The following EVA1C variants were observed in gnomAD, a reference collection of about 807,000 sequenced individuals.
EVA1C encodes protein eva-1 homolog C.
A neutral mutation model predicts 45.4 loss-of-function variants in EVA1C; 25 were observed. The observed-to-expected ratio is 0.55, with a 90% CI of 0.40 to 0.77. The LOEUF (loss-of-function observed/expected upper bound fraction) is 0.77. EVA1C is among the 30% of genes least tolerant of loss of function. The probability of loss-of-function intolerance (pLI) is 0.00; values close to 1 mark genes in which losing one functional copy is unlikely to be tolerated. For missense variants in EVA1C, 479 were observed against 554.8 expected (o/e 0.86, Z 1.37); for synonymous variants, 190 against 221.2 (o/e 0.86, Z 1.25).
chr21:32,513,621 T>G (rs2038038905), intron 7 of EVA1C, among the ~76,000 whole-genome samples: 1 of 147,616 alleles, frequency 6.8e-6, no homozygotes, highest in Non-Finnish European at 1.5e-5. Context: ...GATATGATCT[T>G]GACCTCCCAG....
At chr21:32,420,499 C>T (rs1439212796) in intron 1 of EVA1C, among the ~76,000 whole-genome samples, 1 of 152,248 alleles carries the variant, frequency 6.6e-6, no homozygotes, top group Non-Finnish European at 1.5e-5. Flanking sequence ...ATCCTCCCAC[C>T]TCAGCACTCC....
At chr21:32,436,765 C>T (rs1236073078) in intron 1 of EVA1C, among the ~76,000 whole-genome samples, 2 of 152,264 alleles carry the variant, frequency 1.3e-5, no homozygotes, top group African/African-American at 2.4e-5. Context: ...GCTCAGGGCA[C>T]GGCAGACACG....
chr21:32,508,353 C>T (rs374822377), intron 7 of EVA1C, among the ~76,000 whole-genome samples: 4 of 152,236 alleles, frequency 2.6e-5, no homozygotes, highest in Admixed American at 1.3e-4. Context: ...GCTTCTGGGG[C>T]GCAGGGGTAA....
chr21:32,506,710 G>A (rs2037732721), intron 7 of EVA1C, among the ~76,000 whole-genome samples: 1 of 152,144 alleles, frequency 6.6e-6, no homozygotes, highest in Non-Finnish European at 1.5e-5. Context: ...AGGCCAGTGT[G>A]CCACAGAGGT....
At chr21:32,464,264 C>T (rs1341537836) in intron 3 of EVA1C, among the ~76,000 whole-genome samples, 1 of 152,144 alleles carries the variant, frequency 6.6e-6, no homozygotes, top group Non-Finnish European at 1.5e-5. Context: ...TTTTCTTCCT[C>T]GTGGAGGTTC....
chr21:32,416,511 T>C (rs554155636), intron 1 of EVA1C, among the ~76,000 whole-genome samples: 2 of 152,042 alleles, frequency 1.3e-5, no homozygotes, highest in Admixed American at 1.3e-4. Flanking sequence ...GTATTTTTAG[T>C]AGAGACATGT....
At chr21:32,443,449 A>C (rs1334469710) in intron 1 of EVA1C, among the ~76,000 whole-genome samples, 1 of 152,114 alleles carries the variant, frequency 6.6e-6, no homozygotes, top group Non-Finnish European at 1.5e-5. Context: ...AGGCAGAAGA[A>C]TCTCCTGAAC....
At chr21:32,475,652 A>G (rs2036528683) in intron 4 of EVA1C, among the ~76,000 whole-genome samples, 1 of 152,178 alleles carries the variant, frequency 6.6e-6, no homozygotes, top group Non-Finnish European at 1.5e-5. Flanking sequence ...ATCTTGTTAA[A>G]AAGACACATC....
intron 1 of EVA1C, among the ~76,000 whole-genome samples, chr21:32,434,144 A>G (rs1197780277): frequency 1.3e-5 from 2 of 151,852 alleles, no homozygotes; most frequent in Admixed American, 1.3e-4. Context: ...AAATACAAAA[A>G]AATTAGCTGG....
At chr21:32,418,958 T>C (rs534217275) in intron 1 of EVA1C, among the ~76,000 whole-genome samples, 1 of 122 alleles carries the variant, frequency 8.2e-3, no homozygotes, top group East Asian at 0.17. Context: ...TTCTTGCCTA[T>C]TGGTTTTCCA....
At chr21:32,486,502 CCT>C (rs991744510) in intron 4 of EVA1C, among the ~76,000 whole-genome samples, 1 of 152,062 alleles carries the variant, frequency 6.6e-6, no homozygotes, top group African/African-American at 2.4e-5. Flanking sequence ...CCTCTATGCC[CCT>C]GTGAGGTATT....
chr21:32,418,225 T>G (rs1437269353), intron 1 of EVA1C, among the ~76,000 whole-genome samples: 1 of 152,152 alleles, frequency 6.6e-6, no homozygotes, highest in Non-Finnish European at 1.5e-5. Flanking sequence ...TTAAAAAAAT[T>G]TATGGAGTGA....
Position 32,412,991 on chromosome 21 carries a change from C to T in EVA1C, c.138C>T (p.Ile46=), listed in dbSNP as rs1399559891. The T allele has an allele frequency of 7.6e-6, 11 of 1,451,820 alleles. No homozygotes were observed. The East Asian group carries it at 3.0e-4, about 40-fold the overall frequency. 89.9% of individuals were successfully genotyped at this position (1,451,820 alleles called of 1,614,324 possible). A position where few individuals can be genotyped will look rare whatever the true frequency, so the allele number is the denominator to read the frequency against. ...CTGTCCTGGTCTGCTCCAAAGAGAT[C>T]TCAGCGCTCACCGACTTCTCTGGTA... The part of the protein sequence containing the change: ...YCTVLVCSKE[I]SALTDFSGYL... The change falls in exon 1 of 8, where the codon ATC becomes ATT. Residue 46 remains isoleucine (I), a synonymous_variant. Coordinates refer to ENST00000300255, the MANE Select transcript of EVA1C (RefSeq NM_058187.5).
At chr21:32,482,856 T>TC (rs1220037492) in intron 4 of EVA1C, among the ~76,000 whole-genome samples, 1 of 5,492 alleles carries the variant, frequency 1.8e-4, no homozygotes, top group African/African-American at 7.0e-4. Context: ...GTTATTCCCT[T>TC]TTTTTTTTTT....
At chr21:32,420,811 G>T (rs917376818) in intron 1 of EVA1C, among the ~76,000 whole-genome samples, 2 of 152,238 alleles carry the variant, frequency 1.3e-5, no homozygotes, top group Non-Finnish European at 1.5e-5. Context: ...AGTATAAAAA[G>T]TTCAAGAAAC....
At chr21:32,471,591 G>T (rs1432087810) in intron 4 of EVA1C, among the ~76,000 whole-genome samples, 1 of 150,198 alleles carries the variant, frequency 6.7e-6, no homozygotes, top group African/African-American at 2.4e-5. Context: ...CTCCCAAAAT[G>T]CTGGGATTAC....
At chr21:32,469,034 C>G (rs956424167) in intron 4 of EVA1C, among the ~76,000 whole-genome samples, 1 of 152,196 alleles carries the variant, frequency 6.6e-6, no homozygotes, top group African/African-American at 2.4e-5. Context: ...GCTCTTTCTC[C>G]TCCACATTCC....
intron 4 of EVA1C, among the ~76,000 whole-genome samples, chr21:32,485,588 A>C (rs1268640614): frequency 6.6e-6 from 1 of 152,144 alleles, no homozygotes; most frequent in Non-Finnish European, 1.5e-5. Context: ...CTCCTCAAGC[A>C]GACTCAGAAT....
chr21:32,472,453 C>T lies in EVA1C; in HGVS notation c.634+4605C>T, dbSNP rs184209885. On this transcript the variant is annotated intron_variant, in intron 4 of 7. Transcript: ENST00000300255. ...GGGATTACAGGTGTGAGCCACTGCG[C>T]CCGGCTGAGAGTTGGATTTAAAAAG... Among the ~76,000 whole-genome samples, 244 of 152,248 alleles carry T rather than the reference C, an allele frequency of 1.6e-3. 1 individual carries two copies. Among genetic ancestry groups the T allele is most frequent in the Admixed American group, 2.4e-3 (36 of 15,288 alleles).
Sources: gnomAD v4.1 joint callset for allele counts (sites outside exome capture counted in the v4.1 genomes callset) on GRCh38, gnomAD v4.1.1 for gene constraint, MANE v1.5 for transcripts, NCBI Gene and HGNC (gene_info 2026-07-23, HGNC 2026-07-21) for gene names.